Variants in KLF15 observed in about 807,000 individuals in gnomAD.
KLF15 encodes KLF transcription factor 15.
KLF15 carries 4 observed loss-of-function variants against 24.6 expected under a neutral mutation model. The ratio of observed to expected loss-of-function variants is 0.16; its 90% CI spans 0.08 to 0.37. The LOEUF is 0.37. KLF15 is among the 10% of genes least tolerant of loss of function. The pLI is 1.00. For synonymous variants in KLF15, 246 were observed against 236.3 expected (o/e 1.04, Z -0.37); for missense variants, 496 against 560.6 (o/e 0.88, Z 1.16).
At chr3:126,300,323 C>T in the KLF15 span, among the ~76,000 whole-genome samples, 4 of 152,200 alleles carry the variant, frequency 2.6e-5, no homozygotes, top group Non-Finnish European at 4.4e-5. Flanking sequence ...AACAACTGGA[C>T]CCCACCACCT....
In KLF15 at chr3:126,343,861, G is replaced by T; in HGVS notation, c.1117C>A (p.Arg373Ser). 1 of 1,602,390 alleles carries T rather than the reference G, an allele frequency of 6.2e-7. No individual in the cohort carries two copies. The highest frequency in any genetic ancestry group is 8.5e-7 in the Non-Finnish European group (1 of 1,175,974). ...SRSDELSRHR[R>S]SHSGVKPYQC... ...TACGGCTTCACACCTGAGTGCGAGCGCCTGTGCCGCGACAGCTCGTCAGAG... is the reference window on the plus strand; with the variant it reads ...TACGGCTTCACACCTGAGTGCGAGCTCCTGTGCCGCGACAGCTCGTCAGAG... Residue 373 changes from arginine (R) to serine (S), a missense_variant, in exon 3 of 3, where the codon CGC (arginine) becomes AGC (serine). Physicochemically the swap from Arg to Ser is moderately radical, Grantham distance 110 (BLOSUM62 -1). Transcript: ENST00000296233.
chr3:126,315,370 A>G, the KLF15 span, among the ~76,000 whole-genome samples: 4 of 152,224 alleles, frequency 2.6e-5, no homozygotes, highest in Non-Finnish European at 5.9e-5. Context: ...ACTTTTCAAC[A>G]GTAACGCACT....
the KLF15 span, among the ~76,000 whole-genome samples, chr3:126,329,067 T>G: frequency 3.3e-5 from 5 of 152,340 alleles, no homozygotes; most frequent in Non-Finnish European, 5.9e-5. Context: ...ATGTCTATCT[T>G]TTCCATAATG....
At chr3:126,293,036 G>T in the KLF15 span, among the ~76,000 whole-genome samples, 1 of 151,908 alleles carries the variant, frequency 6.6e-6, no homozygotes, top group Non-Finnish European at 1.5e-5. Context: ...TAGGCCAGGG[G>T]CGGTGGCTCA....
At chr3:126,344,667 G>A (rs1017112133) in intron 2 of KLF15, among the ~76,000 whole-genome samples, 2 of 152,232 alleles carry the variant, frequency 1.3e-5, no homozygotes, top group Non-Finnish European at 2.9e-5. Flanking sequence ...CCGCCCATCC[G>A]GAGGGGAAAC....
chr3:126,312,448 T>G, the KLF15 span, among the ~76,000 whole-genome samples: 3 of 152,294 alleles, frequency 2.0e-5, no homozygotes, highest in South Asian at 6.2e-4. Flanking sequence ...GCGCTGGGAC[T>G]ACAAGCATGA....
At position 126,352,104 on chromosome 3, in the gene KLF15, G is replaced by T; in HGVS notation, c.819C>A (p.Asn273Lys). 6.4e-7 allele frequency: 1 copy of T among 1,553,188 alleles called. No individual in the cohort carries two copies. Among genetic ancestry groups the T allele is most frequent in the Non-Finnish European group, 8.7e-7 (1 of 1,147,832 alleles). ...CAATGCGCACAAACTTGGAGGGCAG[G>T]TTCAAGTTGGAGGAGGGTACCACCT... Reference protein sequence around the residue: ...VPQVVPSSNLNLPSKFVRIAP... With the variant: ...VPQVVPSSNLKLPSKFVRIAP... Residue 273 changes from asparagine (N) to lysine (K), a missense_variant, in exon 2 of 3, where the codon AAC becomes AAA. Physicochemically the swap from Asn to Lys is moderately conservative, Grantham distance 94. Transcript: ENST00000296233.
rs1387034432 is a variant in KLF15 at position 126,343,197 on chromosome 3, C to A, written c.*530G>T. The A allele has an allele frequency of 7.7e-6, 1 of 130,318 alleles. No homozygotes were observed. Among genetic ancestry groups the A allele is most frequent in the African/African-American group, 2.8e-5 (1 of 35,948 alleles). The allele number at this position is 130,318 out of a possible 1,614,324, so 8.1% of individuals were successfully genotyped here. A position where few individuals can be genotyped will look rare whatever the true frequency, so the allele number is the denominator to read the frequency against. ...CCCCCCCCGGCTCCAGGGACCTGCCCACACCCTCTGGTGATCATGCTGAGC... is the reference window on the plus strand; with the variant it reads ...CCCCCCCCGGCTCCAGGGACCTGCCAACACCCTCTGGTGATCATGCTGAGC... On this transcript the variant is annotated 3_prime_UTR_variant, in exon 3 of 3. Coordinates refer to ENST00000296233, the MANE Select transcript of KLF15 (RefSeq NM_014079.4).
the KLF15 span, among the ~76,000 whole-genome samples, chr3:126,304,953 G>A: frequency 1.3e-5 from 2 of 152,228 alleles, no homozygotes; most frequent in Non-Finnish European, 2.9e-5. Context: ...TGTCCAAGTA[G>A]AGTCTACCTT....
chr3:126,347,718 C>A (rs775816589), intron 2 of KLF15, among the ~76,000 whole-genome samples: 2 of 152,220 alleles, frequency 1.3e-5, no homozygotes, highest in Non-Finnish European at 2.9e-5. Context: ...GGAAAGCCTG[C>A]TCTCAGCCCT....
the KLF15 span, among the ~76,000 whole-genome samples, chr3:126,296,807 C>G: frequency 6.6e-6 from 1 of 152,180 alleles, no homozygotes; most frequent in Non-Finnish European, 1.5e-5. Context: ...TGTTATTGCT[C>G]ATTATTTTGA....
the KLF15 span, among the ~76,000 whole-genome samples, chr3:126,322,992 A>G: frequency 1.3e-5 from 2 of 150,980 alleles, no homozygotes; most frequent in South Asian, 4.2e-4. Flanking sequence ...AAAAATTCAT[A>G]TATAATGATA....
chr3:126,304,470 C>G, the KLF15 span, among the ~76,000 whole-genome samples: 1 of 152,188 alleles, frequency 6.6e-6, no homozygotes, highest in Non-Finnish European at 1.5e-5. Context: ...AACCTCAGTT[C>G]GTTCCCTCAC....
chr3:126,292,875 C>G, the KLF15 span, among the ~76,000 whole-genome samples: 1 of 151,838 alleles, frequency 6.6e-6, no homozygotes, highest in African/African-American at 2.4e-5. Flanking sequence ...CAGGAGAGGA[C>G]AAATCTGATG....
chr3:126,309,677 A>G, the KLF15 span, among the ~76,000 whole-genome samples: 1 of 152,200 alleles, frequency 6.6e-6, no homozygotes, highest in African/African-American at 2.4e-5. Flanking sequence ...CCCCAAATAA[A>G]AGGAGATGGG....
the KLF15 span, among the ~76,000 whole-genome samples, chr3:126,330,480 A>G: frequency 2.0e-5 from 3 of 151,990 alleles, no homozygotes; most frequent in Non-Finnish European, 4.4e-5. Flanking sequence ...CGGACAGATA[A>G]TTACATCATA....
chr3:126,298,132 T>C, the KLF15 span, among the ~76,000 whole-genome samples: 1 of 152,104 alleles, frequency 6.6e-6, no homozygotes, highest in Non-Finnish European at 1.5e-5. Flanking sequence ...ATTTTTTAAT[T>C]ATGGTCATTT....
At position 126,352,033 on chromosome 3, in the gene KLF15, C is replaced by T. The variant is rs780564742; in HGVS notation, c.890G>A (p.Gly297Glu). The T allele has an allele frequency of 2.6e-6, 4 of 1,532,324 alleles. No homozygotes were observed. The highest frequency in any genetic ancestry group is 3.5e-6 in the Non-Finnish European group (4 of 1,137,540). The allele number at this position is 1,532,324 out of a possible 1,614,324, so 94.9% of individuals were successfully genotyped here. Residue 297 changes from glycine to glutamate, a missense_variant, in exon 2 of 3, where the codon GGG becomes GAG. Gly to Glu is a moderately conservative substitution (Grantham distance 98, BLOSUM62 -2). Around this residue, in one of 3 missense-constraint regions of KLF15, gnomAD observed 399 missense variants for 423.1 expected, o/e 0.94. Coordinates refer to ENST00000296233, the MANE Select transcript of KLF15 (RefSeq NM_014079.4). Reference sequence around the variant, plus strand: ...CATGAGGAGACCGGCAGGGCCAGGCCCCAGGGGTCCCGATCCAACAGGCTT... The same window carrying T: ...CATGAGGAGACCGGCAGGGCCAGGCTCCAGGGGTCCCGATCCAACAGGCTT... ...AAKPVGSGPL[G>E]PGPAGLLMGQ...
chr3:126,335,589 G>A, the KLF15 span, among the ~76,000 whole-genome samples: 1 of 147,674 alleles, frequency 6.8e-6, no homozygotes, highest in African/African-American at 2.5e-5. Context: ...TGAGGCAGGA[G>A]AAGGAAATAA....
Sources: gnomAD v4.1 joint callset for allele counts (sites outside exome capture counted in the v4.1 genomes callset) on GRCh38, gnomAD v4.1.1 for gene constraint, gnomAD v4.1.1 regional missense constraint, MANE v1.5 for transcripts, NCBI Gene and HGNC (gene_info 2026-07-23, HGNC 2026-07-21) for gene names.